The following ATG10 variants were observed in gnomAD, a reference collection of about 807,000 sequenced individuals.
ATG10 encodes the protein autophagy related 10.
Under a neutral mutation model 32.1 loss-of-function variants are expected in ATG10, and 30 were observed. The ratio of observed to expected loss-of-function variants is 0.94; its 90% confidence interval spans 0.70 to 1.27. The LOEUF is 1.27. ATG10 is among the 50% of genes most tolerant of loss of function. The probability of loss-of-function intolerance (pLI) is 0.00; values close to 1 mark genes in which losing one functional copy is unlikely to be tolerated. For synonymous variants in ATG10, 87 were observed against 91.5 expected, an observed-to-expected ratio of 0.95 and a Z score of 0.28; for missense variants, 233 against 262.3, an observed-to-expected ratio of 0.89 and a Z score of 0.77.
At chr5:82,098,688 A>T (rs1269134585) in intron 3 of ATG10, among the ~76,000 whole-genome samples, 2 of 152,186 alleles carry the variant, frequency 1.3e-5, no homozygotes, top group Non-Finnish European at 2.9e-5. Flanking sequence ...TGGAAGACAA[A>T]ACCATTAGCT....
At chr5:82,131,728 TG>T (rs1165548525) in intron 3 of ATG10, among the ~76,000 whole-genome samples, 1 of 151,920 alleles carries the variant, frequency 6.6e-6, no homozygotes, top group Non-Finnish European at 1.5e-5. Context: ...CAGTAATATC[TG>T]GGAAGAATAA....
At chr5:82,147,539 T>C (rs1454038498) in intron 3 of ATG10, 1 of 152,266 alleles carries the variant, frequency 6.6e-6, no homozygotes, top group African/African-American at 2.4e-5. Context: ...AATCAATAGC[T>C]TAGTTAGACT....
At chr5:82,080,163 T>G (rs1016909654) in intron 3 of ATG10, among the ~76,000 whole-genome samples, 8 of 152,268 alleles carry the variant, frequency 5.3e-5, no homozygotes, top group Admixed American at 5.2e-4. Flanking sequence ...ATAAATGTCT[T>G]CTTTTGAGAA....
intron 3 of ATG10, chr5:82,148,244 A>C (rs1278329209): frequency 6.6e-6 from 1 of 152,178 alleles, no homozygotes; most frequent in Non-Finnish European, 1.5e-5. Context: ...AATTTTGGTG[A>C]ACTCTGCTCT....
rs970223787 is a variant in ATG10 at position 82,188,530 on chromosome 5, A to T, written c.453+9943A>T. On this transcript the variant is annotated intron_variant, in intron 5 of 7. Coordinates refer to ENST00000282185, the MANE Select transcript of ATG10 (RefSeq NM_031482.5). ...TTTTGATAATTACCTACCATCAATT[A>T]TTATTTTTTAATAAACATCTTAGTC... 2.0e-5 allele frequency among the ~76,000 whole-genome samples: 3 copies of T among 152,200 alleles called. No individual in the cohort carries two copies. The East Asian group carries it at 5.8e-4, about 29-fold the overall frequency.
At chr5:82,148,172 T>A (rs1341958386) in intron 3 of ATG10, 1 of 152,194 alleles carries the variant, frequency 6.6e-6, no homozygotes, top group East Asian at 1.9e-4. Context: ...TGAGTAGTAG[T>A]TGTGACAAAG....
rs764388608 is a variant in ATG10 at position 82,200,463 on chromosome 5, C to CTTTTTTTTT, written c.453+21896_453+21904dup. 7.6e-5 allele frequency among the ~76,000 whole-genome samples: 4 copies of CTTTTTTTTT among 52,556 alleles called. 1 individual carries two copies. The highest frequency in any genetic ancestry group is 1.4e-4 in the Non-Finnish European group (4 of 28,146). The allele number at this position is 52,556 out of a possible 152,430, so 34.5% of individuals were successfully genotyped here. Reference sequence around the variant, plus strand: ...ATCTTTTCAAATCTTTCCCTAACTTCTTTTTTTTTTTTTTTTTTTTTTTTT... The same window carrying CTTTTTTTTT: ...ATCTTTTCAAATCTTTCCCTAACTTCTTTTTTTTTTTTTTTTTTTTTTTTTTTTTTTTTT... On this transcript the variant is annotated intron_variant, in intron 5 of 7. Transcript: ENST00000282185.
At chr5:82,130,063 GAC>G (rs1449659126) in intron 3 of ATG10, among the ~76,000 whole-genome samples, 1 of 152,196 alleles carries the variant, frequency 6.6e-6, no homozygotes, top group Admixed American at 6.5e-5. Flanking sequence ...AACCTAGAGA[GAC>G]AGTCTGGCTG....
chr5:82,232,936 C>T (rs1160768769), intron 5 of ATG10, among the ~76,000 whole-genome samples: 3 of 152,164 alleles, frequency 2.0e-5, no homozygotes, highest in African/African-American at 7.2e-5. Context: ...CCCAATATTC[C>T]AGCCTTACAG....
chr5:82,232,750 C>G (rs1046285708), intron 5 of ATG10, among the ~76,000 whole-genome samples: 3 of 123,682 alleles, frequency 2.4e-5, no homozygotes, highest in African/African-American at 1.2e-4. Context: ...CATTCTCCAC[C>G]CAGCAGCCAA....
intron 5 of ATG10, among the ~76,000 whole-genome samples, chr5:82,209,493 G>A (rs1161452178): frequency 1.3e-5 from 2 of 152,166 alleles, no homozygotes; most frequent in African/African-American, 4.8e-5. Flanking sequence ...GGCCATCTAT[G>A]AACCAGGATA....
intron 2 of ATG10, among the ~76,000 whole-genome samples, chr5:82,030,308 A>G (rs1040250653): frequency 6.6e-6 from 1 of 152,190 alleles, no homozygotes; most frequent in African/African-American, 2.4e-5. Context: ...GCCACTAGCC[A>G]CATGTGGTTA....
At chr5:82,035,772 A>G (rs1762899027) in intron 2 of ATG10, among the ~76,000 whole-genome samples, 1 of 148,162 alleles carries the variant, frequency 6.7e-6, no homozygotes, top group Non-Finnish European at 1.5e-5. Context: ...ATAAAAATAT[A>G]TAATCCTATA....
chr5:82,060,044 A>G (rs2149752536), intron 3 of ATG10, among the ~76,000 whole-genome samples: 1 of 152,334 alleles, frequency 6.6e-6, no homozygotes, highest in South Asian at 2.1e-4. Flanking sequence ...AGCACTAAAA[A>G]GTGGTGTTGA....
chr5:82,223,917 C>G (rs1032538622), intron 5 of ATG10, among the ~76,000 whole-genome samples: 9 of 151,880 alleles, frequency 5.9e-5, no homozygotes, highest in African/African-American at 2.2e-4. Flanking sequence ...GGGGATGAAC[C>G]CAGAGGTGAG....
intron 5 of ATG10, among the ~76,000 whole-genome samples, chr5:82,200,989 A>G (rs1018500432): frequency 6.6e-6 from 1 of 151,668 alleles, no homozygotes; most frequent in African/African-American, 2.4e-5. Flanking sequence ...GGCTCAAGCA[A>G]TTCTCCTGCC....
chr5:82,005,316 A>T (rs528284827), intron 2 of ATG10, among the ~76,000 whole-genome samples: 15 of 152,028 alleles, frequency 9.9e-5, no homozygotes, highest in Non-Finnish European at 1.8e-4. Context: ...GTTTTTTGAG[A>T]TAGAGTCTCA....
intron 2 of ATG10, among the ~76,000 whole-genome samples, chr5:82,034,923 T>A (rs1011120895): frequency 6.6e-6 from 1 of 152,154 alleles, no homozygotes; most frequent in African/African-American, 2.4e-5. Flanking sequence ...TCTATTATTA[T>A]TATTTTTTTA....
At chr5:82,149,427 C>G (rs889315027) in intron 3 of ATG10, among the ~76,000 whole-genome samples, 1 of 152,012 alleles carries the variant, frequency 6.6e-6, no homozygotes, top group Non-Finnish European at 1.5e-5. Flanking sequence ...GGACCCCAAA[C>G]AGAACTTGGA....
Sources: allele counts gnomAD v4.1 joint callset (sites outside exome capture counted in the v4.1 genomes callset), GRCh38; gene constraint gnomAD v4.1.1; transcripts MANE v1.5; gene names NCBI Gene and HGNC (gene_info 2026-07-23, HGNC 2026-07-21).